GPSM1: variants seen among roughly 807,000 people sequenced by gnomAD.
GPSM1 encodes G protein signaling modulator 1.
In GPSM1, 48 loss-of-function variants were observed where a neutral mutation model predicts 70.5. The observed-to-expected ratio is 0.68, with a 90% CI of 0.54 to 0.87. GPSM1 has a LOEUF of 0.87. Ranked by LOEUF, GPSM1 falls within the 40% of genes least tolerant of loss-of-function variation. The pLI, the probability that GPSM1 is intolerant of heterozygous loss-of-function variation, is 0.00. For missense variants in GPSM1, 981 were observed against 972.6 expected, an observed-to-expected ratio of 1.01 and a Z score of -0.11; for synonymous variants, 416 against 430.1, an observed-to-expected ratio of 0.97 and a Z score of 0.41.
chr9:136,339,290 C>T (rs185490788), intron 7 of GPSM1, among the ~76,000 whole-genome samples: 1 of 152,256 alleles, frequency 6.6e-6, no homozygotes, highest in Non-Finnish European at 1.5e-5. Flanking sequence ...AGACGCATTT[C>T]CCTCCAATAT....
Position 136,349,624 on chromosome 9 carries a change from G to A in GPSM1, c.1316G>A (p.Arg439Gln), listed in dbSNP as rs1234656510. 1.5e-5 allele frequency: 24 copies of A among 1,549,774 alleles called. No individual in the cohort carries two copies. The highest frequency in any genetic ancestry group is 1.2e-4 in the Admixed American group (6 of 50,970). Reference sequence around the variant, plus strand: ...GACAGCCACCATTCAGGGGACTGGCGGGGGCCCAGCAGGGACTCGCTACCC... The same window carrying A: ...GACAGCCACCATTCAGGGGACTGGCAGGGGCCCAGCAGGGACTCGCTACCC... ...NGDSHHSGDW[R>Q]GPSRDSLPLP... Residue 439 changes from arginine (R) to glutamine (Q), a missense_variant, in exon 11 of 14, where the codon CGG (arginine) becomes CAG (glutamine). Transcript: ENST00000440944.
intron 1 of GPSM1, among the ~76,000 whole-genome samples, chr9:136,328,686 G>C (rs868973775): frequency 6.6e-6 from 1 of 152,208 alleles, no homozygotes; most frequent in Non-Finnish European, 1.5e-5. Flanking sequence ...GCGGCACGGC[G>C]GACAGAGGCC....
In GPSM1 at chr9:136,342,860, G is replaced by A. The variant is rs570363165; in HGVS notation, c.1207+1867G>A. Among the ~76,000 whole-genome samples, 9 of 152,256 alleles carry A rather than the reference G, an allele frequency of 5.9e-5. No individual in the cohort carries two copies. Among genetic ancestry groups the A allele is most frequent in the Non-Finnish European group, 8.8e-5 (6 of 67,988 alleles). The stretch of plus-strand genomic sequence containing the variant: ...GCGCTGCCCAGCGGGGTGTGGGCAG[G>A]GAGGAGGAAGTCGTCTGGAGGTGGG... On this transcript the variant is annotated intron_variant, in intron 9 of 13. Transcript: ENST00000440944. This position sits in a 1 kb window ranked among gnomAD's most constrained non-coding sequence, Gnocchi z 5.5.
At position 136,354,166 on chromosome 9, in the gene GPSM1, C is replaced by A. The variant is rs782669946; in HGVS notation, c.1456-1524C>A. On this transcript the variant is annotated intron_variant, in intron 11 of 13. Coordinates refer to ENST00000440944, the MANE Select transcript of GPSM1 (RefSeq NM_001145638.3). ...TCCAGGGGCCAGAGCCAGGTGGGGT[C>A]TCTCCTAAAACAGGGCTGTCCACAG... 9.2e-5 allele frequency among the ~76,000 whole-genome samples: 14 copies of A among 152,326 alleles called. 1 individual carries two copies. Among genetic ancestry groups the A allele is most frequent in the Non-Finnish European group, 1.8e-4 (12 of 68,028 alleles).
rs1030834791 is a variant in GPSM1 at position 136,332,479 on chromosome 9, G to C, written c.69-1968G>C. Among the ~76,000 whole-genome samples, 5 of 152,352 alleles carry C rather than the reference G, an allele frequency of 3.3e-5. No individual in the cohort carries two copies. In the East Asian group the frequency reaches 9.7e-4, roughly 29 times the overall value. On this transcript the variant is annotated intron_variant, in intron 1 of 13. Transcript: ENST00000440944. ...AGATCTGCGGAGCAGCAGCGTCTGGGCTCCACAGACACCCAGGCCTCAGGC... is the reference window on the plus strand; with the variant it reads ...AGATCTGCGGAGCAGCAGCGTCTGGCCTCCACAGACACCCAGGCCTCAGGC...
In GPSM1 at chr9:136,337,008, C is replaced by A. The variant is rs1217685232; in HGVS notation, c.514C>A (p.Gln172Lys). The A allele has an allele frequency of 3.2e-6, 5 of 1,552,634 alleles. No individual in the cohort carries two copies. The highest frequency in any genetic ancestry group is 4.4e-6 in the Non-Finnish European group (5 of 1,148,274). The change falls in exon 4 of 14, where the codon CAG (glutamine) becomes AAG (lysine). Residue 172 changes from glutamine to lysine, a missense_variant. Coordinates refer to ENST00000440944, the MANE Select transcript of GPSM1 (RefSeq NM_001145638.3). ...GTCCTGGAACGCCGCAAACGCCACG[C>A]AGGACCCCGGGCACCTGCCGCCCGA... ...QLSWNAANAT[Q>K]DPGHLPPDVR...
At chr9:136,334,955 G>A (rs1335238627) in intron 2 of GPSM1, among the ~76,000 whole-genome samples, 6 of 152,174 alleles carry the variant, frequency 3.9e-5, no homozygotes, top group African/African-American at 1.4e-4. Flanking sequence ...GACAGGGCAA[G>A]CAGGGTCTAA....
intron 3 of GPSM1, among the ~76,000 whole-genome samples, chr9:136,336,622 G>T (rs141121126): frequency 1.6e-3 from 240 of 152,330 alleles, no homozygotes; most frequent in African/African-American, 5.6e-3. Flanking sequence ...GCTTGAGGCC[G>T]CAGCATCTGG....
intron 9 of GPSM1, among the ~76,000 whole-genome samples, chr9:136,346,512 G>A (rs781878138): frequency 1.2e-4 from 19 of 152,338 alleles, no homozygotes; most frequent in Non-Finnish European, 2.6e-4. Context: ...CTTCTTAGCC[G>A]TCTGAAGCCC....
Position 136,348,863 on chromosome 9 carries a change from CCT to C in GPSM1, c.1278+97_1278+98del, listed in dbSNP as rs535541588. The C allele has an allele frequency of 6.6e-4, 599 of 910,340 alleles. 2 individuals are homozygous for C. The African/African-American group carries it at 7.2e-3, about 11-fold the overall frequency. 56.4% of individuals were successfully genotyped at this position (910,340 alleles called of 1,614,324 possible). A position where few individuals can be genotyped will look rare whatever the true frequency, so the allele number is the denominator to read the frequency against. Reference sequence around the variant, plus strand: ...AGAGCCACCGCCACCCACCTCAGCCCCTGTCTGCTGGGAGATAAATGTGCCCT... The same window carrying C: ...AGAGCCACCGCCACCCACCTCAGCCCGTCTGCTGGGAGATAAATGTGCCCT... On this transcript the variant is annotated intron_variant, in intron 10 of 13. Transcript: ENST00000440944.
chr9:136,332,863 G>T (rs1208225228), intron 1 of GPSM1, among the ~76,000 whole-genome samples: 7 of 126,810 alleles, frequency 5.5e-5, no homozygotes, highest in Non-Finnish European at 5.0e-5. Context: ...AAAAAAAAAA[G>T]CTGGGCATGA....
chr9:136,339,874 G>A (rs530589273), intron 8 of GPSM1, 59 bp downstream of exon 8: 26 of 1,064,204 alleles, frequency 2.4e-5, no homozygotes, highest in South Asian at 2.0e-4. Flanking sequence ...CAGACGGGCC[G>A]GGTCCCCTCT....
In GPSM1 at chr9:136,341,486, C is replaced by T. The variant is rs972048792; in HGVS notation, c.1207+493C>T. ...GTGACCTCATTCATGGACCGCTGGT[C>T]GTCCCATGCCGGTCAGCAGTGCTGC... On this transcript the variant is annotated intron_variant, in intron 9 of 13. Transcript: ENST00000440944. This position sits in a 1 kb window ranked among gnomAD's most constrained non-coding sequence, Gnocchi z 6.7. The T allele has an allele frequency of 4.3e-5, 55 of 1,275,386 alleles. No homozygotes were observed. The highest frequency in any genetic ancestry group is 6.2e-5 in the African/African-American group (4 of 64,982). The allele number at this position is 1,275,386 out of a possible 1,614,324, so 79.0% of individuals were successfully genotyped here. A position where few individuals can be genotyped will look rare whatever the true frequency, so the allele number is the denominator to read the frequency against.
chr9:136,354,690 C>T (rs1213957974), intron 11 of GPSM1: 1 of 375,866 alleles, frequency 2.7e-6, no homozygotes, highest in Non-Finnish European at 3.7e-6. Context: ...TCAGCTGGGC[C>T]CCTTGGGGGG....
chr9:136,341,483 G>A lies in GPSM1; in HGVS notation c.1207+490G>A, dbSNP rs1193715288. 2.3e-6 allele frequency: 3 copies of A among 1,289,448 alleles called. No individual in the cohort carries two copies. Among genetic ancestry groups the A allele is most frequent in the African/African-American group, 1.5e-5 (1 of 65,364 alleles). The allele number at this position is 1,289,448 out of a possible 1,614,324, so 79.9% of individuals were successfully genotyped here. A position where few individuals can be genotyped will look rare whatever the true frequency, so the allele number is the denominator to read the frequency against. On this transcript the variant is annotated intron_variant, in intron 9 of 13. Transcript: ENST00000440944. The surrounding 1 kb of genome is among the most constrained non-coding windows in gnomAD (Gnocchi z 6.7). ...GTGGTGACCTCATTCATGGACCGCT[G>A]GTCGTCCCATGCCGGTCAGCAGTGC...
chr9:136,331,396 G>A (rs1350974681), intron 1 of GPSM1, among the ~76,000 whole-genome samples: 6 of 145,080 alleles, frequency 4.1e-5, no homozygotes, highest in Admixed American at 1.4e-4. Flanking sequence ...TGCTGGCACC[G>A]TGGGCTGGTG....
chr9:136,329,914 G>A lies in GPSM1; in HGVS notation c.68+2151G>A, dbSNP rs571943173. ...GGGACGGGGCCCTGGGTGCTGGGTC[G>A]GTGGGGACGGGCCCCTGGGTGCTGG... On this transcript the variant is annotated intron_variant, in intron 1 of 13. Transcript: ENST00000440944. Among the ~76,000 whole-genome samples, 145 of 150,296 alleles carry A rather than the reference G, an allele frequency of 9.6e-4. 1 individual carries two copies. The highest frequency in any genetic ancestry group is 6.9e-3 in the Middle Eastern group (2 of 288).
rs782032492 is a variant in GPSM1, at chr9:136,335,966, G to A, written c.291G>A (p.Arg97=). 1.5e-5 allele frequency: 24 copies of A among 1,612,166 alleles called. No individual in the cohort carries two copies. The highest frequency in any genetic ancestry group is 1.6e-4 in the Middle Eastern group (1 of 6,080). ...CCCCTCACTCCTCCCTGCCATCCAG[G>A]ACCATCGGTGACCGCATGGGGGAGG... ...EYHKHDLLLA[R]TIGDRMGEAK... is the part of the protein sequence containing the mutation. Residue 97 remains arginine, a splice_region_variant and synonymous_variant, in exon 3 of 14, where the codon CGG becomes CGA. Transcript: ENST00000440944.
rs1192003719 is a variant in GPSM1 at position 136,341,979 on chromosome 9, CAT to C, written c.1207+987_1207+988del. The C allele has an allele frequency of 5.9e-6, 1 of 169,110 alleles. No individual in the cohort carries two copies. The highest frequency in any genetic ancestry group is 2.4e-5 in the African/African-American group (1 of 41,700). 10.5% of individuals were successfully genotyped at this position (169,110 alleles called of 1,614,324 possible). Reference sequence around the variant, plus strand: ...CCCTGGGTTTTTGTGCCACAGTGCTCATGGGTTTCTGACGATGACCTCTCCTG... The same window carrying C: ...CCCTGGGTTTTTGTGCCACAGTGCTCGGGTTTCTGACGATGACCTCTCCTG... On this transcript the variant is annotated intron_variant, in intron 9 of 13. Transcript: ENST00000440944. This position sits in a 1 kb window ranked among gnomAD's most constrained non-coding sequence, Gnocchi z 6.7.
Sources: allele counts gnomAD v4.1 joint callset (sites outside exome capture counted in the v4.1 genomes callset), GRCh38; gene constraint gnomAD v4.1.1; non-coding constraint Gnocchi (gnomAD v3.1); transcripts MANE v1.5; gene names NCBI Gene and HGNC (gene_info 2026-07-23, HGNC 2026-07-21).